Variants in NRXN1 observed in about 807,000 individuals in gnomAD.
The protein encoded by NRXN1 is neurexin 1, also known as neurexin-1.
Under a neutral mutation model 150.9 loss-of-function variants are expected in NRXN1, and 39 were observed. That is an observed-to-expected ratio of 0.26 (90% CI 0.20 to 0.34). The LOEUF is 0.34. NRXN1 is among the 10% of genes least tolerant of loss of function. NRXN1 has a pLI of 1.00. For synonymous variants in NRXN1, 924 were observed against 757.0 expected (o/e 1.22, Z -3.62); for missense variants, 1,815 against 1,949.9 (o/e 0.93, Z 1.30).
intron 17 of NRXN1, among the ~76,000 whole-genome samples, chr2:50,274,685 GCCT>G (rs1427871085): frequency 1.3e-5 from 2 of 152,000 alleles, no homozygotes; most frequent in Non-Finnish European, 2.9e-5. Context: ...TGAAGATATT[GCCT>G]CCATTTTTTA....
intron 5 of NRXN1, among the ~76,000 whole-genome samples, chr2:50,751,328 G>C (rs149399630): frequency 3.3e-5 from 5 of 152,032 alleles, no homozygotes; most frequent in African/African-American, 1.2e-4. Context: ...GTTGAAGATA[G>C]GACTGAGTTA....
intron 17 of NRXN1, among the ~76,000 whole-genome samples, chr2:50,303,038 C>T (rs994719645): frequency 6.6e-6 from 1 of 152,106 alleles, no homozygotes; most frequent in African/African-American, 2.4e-5. Context: ...CCAAAAGGAC[C>T]TTCCGAACTC....
At chr2:50,780,738 C>T (rs897421590) in intron 5 of NRXN1, among the ~76,000 whole-genome samples, 5 of 152,036 alleles carry the variant, frequency 3.3e-5, no homozygotes, top group Non-Finnish European at 5.9e-5. Context: ...TTATGTTGAA[C>T]ATTTAAAAAT....
chr2:50,891,388 C>T (rs2103829693), intron 5 of NRXN1, among the ~76,000 whole-genome samples: 1 of 152,098 alleles, frequency 6.6e-6, no homozygotes, highest in South Asian at 2.1e-4. Context: ...GCTGCAAAGG[C>T]CATAACCTTC....
chr2:50,999,549 G>A (rs1293937990), intron 2 of NRXN1, among the ~76,000 whole-genome samples: 1 of 151,938 alleles, frequency 6.6e-6, no homozygotes, highest in African/African-American at 2.4e-5. Flanking sequence ...GTCTCCCCCA[G>A]GCACCCAGCT....
intron 9 of NRXN1, among the ~76,000 whole-genome samples, chr2:50,541,317 G>C (rs185706363): frequency 6.3e-4 from 96 of 152,204 alleles, no homozygotes; most frequent in East Asian, 5.6e-3. Context: ...GAGGACTCCT[G>C]AGTCGAGGAA....
chr2:50,229,839 T>C (rs2064770291), intron 18 of NRXN1, among the ~76,000 whole-genome samples: 2 of 152,080 alleles, frequency 1.3e-5, no homozygotes, highest in Admixed American at 1.3e-4. Context: ...TTAGTAGCTA[T>C]AGAAGAAATT....
At chr2:50,495,771 T>C (rs2091568018) in intron 15 of NRXN1, 134 bp downstream of exon 15, 3 of 653,658 alleles carry the variant, frequency 4.6e-6, no homozygotes, top group South Asian at 3.8e-5. Flanking sequence ...TGTTGTATTG[T>C]TAATTATGTG....
chr2:50,783,229 T>C (rs1339640167), intron 5 of NRXN1, among the ~76,000 whole-genome samples: 1 of 152,138 alleles, frequency 6.6e-6, no homozygotes, highest in East Asian at 1.9e-4. Flanking sequence ...CAAGTGCTTG[T>C]TCTCCTAAAG....
At chr2:50,158,906 C>T (rs1435257527) in intron 18 of NRXN1, among the ~76,000 whole-genome samples, 1 of 151,966 alleles carries the variant, frequency 6.6e-6, no homozygotes, top group African/African-American at 2.4e-5. Flanking sequence ...TGAACCTTTC[C>T]TGTCAGGATA....
At chr2:50,439,544 C>T (rs952232441) in intron 17 of NRXN1, among the ~76,000 whole-genome samples, 11 of 152,074 alleles carry the variant, frequency 7.2e-5, no homozygotes, top group African/African-American at 1.4e-4. Context: ...CGGTGGCTCA[C>T]GCCTGTAATC....
intron 5 of NRXN1, among the ~76,000 whole-genome samples, chr2:50,855,582 A>C (rs920447106): frequency 1.3e-5 from 2 of 152,098 alleles, no homozygotes; most frequent in Non-Finnish European, 2.9e-5. Context: ...TGACTAACCC[A>C]GTAATTATTT....
Position 50,431,137 on chromosome 2 carries a change from A to G in NRXN1, c.3364+34305T>C, listed in dbSNP as rs116423868. Among the ~76,000 whole-genome samples the G allele has an allele frequency of 8.7e-3, 1,328 of 152,246 alleles. 14 individuals are homozygous for G. The highest frequency in any genetic ancestry group is 0.03 in the African/African-American group (1,261 of 41,546). On this transcript the variant is annotated intron_variant, in intron 17 of 22. Coordinates refer to ENST00000401669, the MANE Select transcript of NRXN1 (RefSeq NM_001330078.2). ...TTCTACCTGATCTGATCTCTTCTTC[A>G]AACATTATCTCTGTCTTCTTTTTGT...
intron 5 of NRXN1, among the ~76,000 whole-genome samples, chr2:50,914,598 T>C (rs13412400): frequency 4.1e-4 from 62 of 151,780 alleles, no homozygotes; most frequent in African/African-American, 1.4e-3. Context: ...TTTTCCAAAA[T>C]TTCTAGAGGC....
At chr2:50,064,265 C>T (rs1695006967) in intron 19 of NRXN1, among the ~76,000 whole-genome samples, 1 of 151,688 alleles carries the variant, frequency 6.6e-6, no homozygotes, top group Admixed American at 6.6e-5. Context: ...GACTCAGTAA[C>T]TCTGCTTATC....
chr2:50,406,589 G>C (rs1193485474), intron 17 of NRXN1, among the ~76,000 whole-genome samples: 1 of 152,034 alleles, frequency 6.6e-6, no homozygotes, highest in Non-Finnish European at 1.5e-5. Flanking sequence ...GTGTAGGTAG[G>C]ATCTGAGTGG....
chr2:50,110,935 A>T (rs1431087240), intron 18 of NRXN1, among the ~76,000 whole-genome samples: 4 of 152,192 alleles, frequency 2.6e-5, no homozygotes, highest in Non-Finnish European at 5.9e-5. Flanking sequence ...CATCCTTTGC[A>T]TCTCATTTCT....
intron 2 of NRXN1, among the ~76,000 whole-genome samples, chr2:51,023,702 T>C (rs1669982336): frequency 6.6e-6 from 1 of 152,222 alleles, no homozygotes; most frequent in South Asian, 2.1e-4. Context: ...ACTACCATTT[T>C]ATTGCTTAAG....
intron 5 of NRXN1, among the ~76,000 whole-genome samples, chr2:50,876,487 G>A (rs930384434): frequency 1.1e-4 from 17 of 151,770 alleles, no homozygotes; most frequent in African/African-American, 3.9e-4. Flanking sequence ...CTAGGAAAGC[G>A]AAGGTGAGTC....
Sources: gnomAD v4.1 joint callset for allele counts (sites outside exome capture counted in the v4.1 genomes callset) on GRCh38, gnomAD v4.1.1 for gene constraint, MANE v1.5 for transcripts, NCBI Gene and HGNC (gene_info 2026-07-23, HGNC 2026-07-21) for gene names.